ZCCHC7: variants seen among roughly 807,000 people sequenced by gnomAD.
The protein encoded by ZCCHC7 is zinc finger CCHC domain-containing protein 7.
ZCCHC7 carries 35 observed loss-of-function variants against 52.0 expected under a neutral mutation model. The ratio of observed to expected loss-of-function variants is 0.67; its 90% CI spans 0.51 to 0.89. The LOEUF is 0.89. ZCCHC7 is among the 40% of genes least tolerant of loss of function. ZCCHC7 has a pLI of 0.00. For missense variants in ZCCHC7, 574 were observed against 649.1 expected (o/e 0.88, Z 1.26); for synonymous variants, 217 against 221.5 (o/e 0.98, Z 0.18).
intron 2 of ZCCHC7, among the ~76,000 whole-genome samples, chr9:37,158,820 T>C (rs1227735693): frequency 6.6e-6 from 1 of 152,230 alleles, no homozygotes; most frequent in East Asian, 1.9e-4. Flanking sequence ...TACAACCTGG[T>C]TTGCAAGTGG....
chr9:37,257,046 A>G (rs1448911992), intron 2 of ZCCHC7, among the ~76,000 whole-genome samples: 1 of 152,234 alleles, frequency 6.6e-6, no homozygotes, highest in Non-Finnish European at 1.5e-5. Flanking sequence ...TGGAATTAGT[A>G]GTTTTCAAGG....
intron 4 of ZCCHC7, among the ~76,000 whole-genome samples, chr9:37,305,074 C>T (rs1048080811): frequency 4.6e-5 from 7 of 152,200 alleles, no homozygotes; most frequent in Admixed American, 2.6e-4. Context: ...AGATCTTAGA[C>T]GTTTCCTGAC....
At chr9:37,142,754 T>C (rs1468559230) in intron 2 of ZCCHC7, among the ~76,000 whole-genome samples, 4 of 151,756 alleles carry the variant, frequency 2.6e-5, no homozygotes, top group Non-Finnish European at 5.9e-5. Flanking sequence ...TTAAAAGGTG[T>C]ATTGTAATTT....
intron 2 of ZCCHC7, among the ~76,000 whole-genome samples, chr9:37,299,678 T>A (rs1304379289): frequency 6.6e-6 from 1 of 152,220 alleles, no homozygotes; most frequent in African/African-American, 2.4e-5. Context: ...AACTGGAACC[T>A]TGGAGCCATG....
chr9:37,158,895 A>C (rs2132883571), intron 2 of ZCCHC7, among the ~76,000 whole-genome samples: 1 of 152,344 alleles, frequency 6.6e-6, no homozygotes, highest in South Asian at 2.1e-4. Context: ...GTAGCATATT[A>C]ATTGTATTAT....
intron 5 of ZCCHC7, among the ~76,000 whole-genome samples, chr9:37,325,198 A>G (rs1020895651): frequency 2.6e-5 from 4 of 152,236 alleles, no homozygotes; most frequent in Admixed American, 6.5e-5. Flanking sequence ...TTGGCAAACA[A>G]TGTAGCACAT....
chr9:37,258,840 A>G (rs1044333241), intron 2 of ZCCHC7, among the ~76,000 whole-genome samples: 3 of 147,482 alleles, frequency 2.0e-5, no homozygotes, highest in Admixed American at 6.8e-5. Flanking sequence ...GAGGAATTGG[A>G]GAGAAAAGCA....
chr9:37,204,152 T>G (rs1015708541), intron 2 of ZCCHC7, among the ~76,000 whole-genome samples: 1 of 152,054 alleles, frequency 6.6e-6, no homozygotes, highest in Non-Finnish European at 1.5e-5. Flanking sequence ...TTGATGGGGT[T>G]GTTTGTTTTT....
chr9:37,322,435 A>G (rs1024250815), intron 5 of ZCCHC7: 41 of 152,160 alleles, frequency 2.7e-4, no homozygotes, highest in Admixed American at 6.6e-5. Context: ...ATGTTTAAGC[A>G]TAGAAAAAAG....
At chr9:37,326,764 TCAAG>T (rs936501587) in intron 5 of ZCCHC7, among the ~76,000 whole-genome samples, 1 of 152,050 alleles carries the variant, frequency 6.6e-6, no homozygotes, top group Admixed American at 6.6e-5. Context: ...GAATGACAAA[TCAAG>T]TAAAGAGTTG....
At chr9:37,137,083 G>A (rs1233108143) in intron 2 of ZCCHC7, among the ~76,000 whole-genome samples, 1 of 152,216 alleles carries the variant, frequency 6.6e-6, no homozygotes, top group African/African-American at 2.4e-5. Context: ...CAACGTACAA[G>A]CCACTGTACC....
chr9:37,148,170 A>G (rs886581030), intron 2 of ZCCHC7, among the ~76,000 whole-genome samples: 1 of 152,168 alleles, frequency 6.6e-6, no homozygotes, highest in African/African-American at 2.4e-5. Context: ...ACAGCAAATA[A>G]TAGCCAAAAA....
At chr9:37,254,772 G>C (rs767903892) in intron 2 of ZCCHC7, among the ~76,000 whole-genome samples, 5 of 145,544 alleles carry the variant, frequency 3.4e-5, no homozygotes, top group African/African-American at 1.0e-4. Context: ...TGAGATATTT[G>C]TGTTATATAC....
chr9:37,134,979 G>A (rs568603119), intron 2 of ZCCHC7, among the ~76,000 whole-genome samples: 5 of 151,940 alleles, frequency 3.3e-5, no homozygotes, highest in African/African-American at 4.8e-5. Context: ...CACCCACCTC[G>A]GCCTCCCAAA....
intron 5 of ZCCHC7, among the ~76,000 whole-genome samples, chr9:37,321,913 A>G (rs1233632794): frequency 1.3e-5 from 2 of 152,170 alleles, no homozygotes; most frequent in East Asian, 1.9e-4. Context: ...TTAGTTTACA[A>G]TTTTCTCAGG....
In ZCCHC7 at chr9:37,199,489, G is replaced by A. The variant is rs573004569; in HGVS notation, c.610+72547G>A. On this transcript the variant is annotated intron_variant, in intron 2 of 8. Coordinates refer to ENST00000336755, the MANE Select transcript of ZCCHC7 (RefSeq NM_032226.3). ...TGGGATTATAGGCATACACCACCAC[G>A]CCCAGTTAATTTTTTGTAATTTTAC... Among the ~76,000 whole-genome samples, 142 of 150,778 alleles carry A rather than the reference G, an allele frequency of 9.4e-4. 1 individual carries two copies. Among genetic ancestry groups the A allele is most frequent in the African/African-American group, 3.1e-3 (129 of 41,094 alleles).
At chr9:37,211,575 T>C (rs1478775519) in intron 2 of ZCCHC7, among the ~76,000 whole-genome samples, 2 of 152,198 alleles carry the variant, frequency 1.3e-5, no homozygotes, top group African/African-American at 2.4e-5. Context: ...CTGGATACTT[T>C]TAAAGCTTCA....
At chr9:37,178,677 G>A (rs1822188985) in intron 2 of ZCCHC7, among the ~76,000 whole-genome samples, 1 of 152,174 alleles carries the variant, frequency 6.6e-6, no homozygotes, top group Admixed American at 6.5e-5. Context: ...AAGTTCAGGT[G>A]TTGTAGCAGA....
intron 2 of ZCCHC7, among the ~76,000 whole-genome samples, chr9:37,295,576 T>A (rs2133659148): frequency 6.6e-6 from 1 of 152,278 alleles, no homozygotes; most frequent in Non-Finnish European, 1.5e-5. Flanking sequence ...TTGAGGCTAT[T>A]TTGGATACCC....
Sources: allele counts gnomAD v4.1 joint callset (sites outside exome capture counted in the v4.1 genomes callset), GRCh38; gene constraint gnomAD v4.1.1; transcripts MANE v1.5; gene names NCBI Gene and HGNC (gene_info 2026-07-23, HGNC 2026-07-21).